ATP10D: variants seen among roughly 807,000 people sequenced by gnomAD.
ATP10D encodes phospholipid-transporting ATPase VD.
In ATP10D, 89 loss-of-function variants were observed where a neutral mutation model predicts 144.8. The ratio of observed to expected loss-of-function variants is 0.61; its 90% CI spans 0.52 to 0.73. ATP10D has a LOEUF of 0.73. ATP10D is among the 30% of genes least tolerant of loss of function. The pLI is 0.00. For missense variants in ATP10D, 1,603 were observed against 1,714.8 expected (o/e 0.93, Z 1.15); for synonymous variants, 571 against 615.1 (o/e 0.93, Z 1.06).
At position 47,591,448 on chromosome 4, in the gene ATP10D, C is replaced by A; in HGVS notation, c.*67C>A. 1.5e-6 allele frequency: 2 copies of A among 1,355,158 alleles called. No homozygotes were observed. Among genetic ancestry groups the A allele is most frequent in the Non-Finnish European group, 2.0e-6 (2 of 993,362 alleles). The allele number at this position is 1,355,158 out of a possible 1,614,324, so 83.9% of individuals were successfully genotyped here. On this transcript the variant is annotated 3_prime_UTR_variant, in exon 23 of 23. Transcript: ENST00000273859. Reference sequence around the variant, plus strand: ...GAGGGATTTTGAAGAGGTATCTCTCCAAGCAAGAATGACTTGTTTTTCCAT... The same window carrying A: ...GAGGGATTTTGAAGAGGTATCTCTCAAAGCAAGAATGACTTGTTTTTCCAT...
chr4:47,535,286 C>T (rs1322436321), intron 5 of ATP10D, among the ~76,000 whole-genome samples: 1 of 150,714 alleles, frequency 6.6e-6, no homozygotes, highest in African/African-American at 2.4e-5. Flanking sequence ...ACATAGTAAA[C>T]CTGCACGTGT....
chr4:47,514,909 T>C (rs1716550433), intron 2 of ATP10D, among the ~76,000 whole-genome samples: 1 of 152,144 alleles, frequency 6.6e-6, no homozygotes, highest in African/African-American at 2.4e-5. Context: ...TCTATTTTTT[T>C]ATTGTGCTCA....
chr4:47,572,379 AT>A (rs10714321), intron 17 of ATP10D, 149 bp downstream of exon 17: 257,212 of 602,542 alleles, frequency 0.43, 59,351 homozygotes, highest in East Asian at 0.74. Context: ...CTATTCATTG[AT>A]TTTTTTTTAC....
intron 1 of ATP10D, among the ~76,000 whole-genome samples, chr4:47,504,047 C>A (rs1715872783): frequency 6.6e-6 from 1 of 152,162 alleles, no homozygotes; most frequent in Non-Finnish European, 1.5e-5. Flanking sequence ...AGTTCAAGGT[C>A]ACTTAACAGA....
chr4:47,561,016 A>T lies in ATP10D; in HGVS notation c.2609A>T (p.Asn870Ile). 2 of 1,614,092 alleles carry T rather than the reference A, an allele frequency of 1.2e-6. No homozygotes were observed. Among genetic ancestry groups the T allele is most frequent in the Non-Finnish European group, 1.7e-6 (2 of 1,179,918 alleles). ...NHFLAETSID[N>I]REELLLESAM... Reference sequence around the variant, plus strand: ...TTTTTAGCTGAAACCAGCATTGACAACAGGGAAGAATTACTACTTGAATCT... The same window carrying T: ...TTTTTAGCTGAAACCAGCATTGACATCAGGGAAGAATTACTACTTGAATCT... Residue 870 changes from asparagine (N) to isoleucine (I), a missense_variant, in exon 14 of 23, where the codon AAC becomes ATC. Asn to Ile is a moderately radical substitution (Grantham distance 149). Coordinates refer to ENST00000273859, the MANE Select transcript of ATP10D (RefSeq NM_020453.4).
At chr4:47,584,711 A>T (rs1307185645) in intron 21 of ATP10D, among the ~76,000 whole-genome samples, 1 of 152,166 alleles carries the variant, frequency 6.6e-6, no homozygotes, top group Admixed American at 6.5e-5. Flanking sequence ...ATGTTTTAAG[A>T]GATAAAAAAT....
intron 5 of ATP10D, among the ~76,000 whole-genome samples, 162 bp from the exon 6 acceptor site, chr4:47,535,346 GC>G (rs1237826956): frequency 6.7e-6 from 1 of 150,038 alleles, no homozygotes; most frequent in Non-Finnish European, 1.5e-5. Context: ...AAAAAACAAA[GC>G]AAGTAACTGC....
intron 9 of ATP10D, among the ~76,000 whole-genome samples, chr4:47,541,881 A>G (rs1225945288): frequency 1.3e-5 from 2 of 152,140 alleles, no homozygotes; most frequent in Non-Finnish European, 2.9e-5. Context: ...ACCTATCTCA[A>G]TATCTACCTT....
intron 5 of ATP10D, among the ~76,000 whole-genome samples, chr4:47,528,733 C>T (rs1467394897): frequency 6.6e-6 from 1 of 152,082 alleles, no homozygotes; most frequent in Admixed American, 6.6e-5. Flanking sequence ...GGTCTTCATA[C>T]TGTTATCCAC....
intron 15 of ATP10D, among the ~76,000 whole-genome samples, chr4:47,567,573 G>A (rs1045696199): frequency 6.6e-5 from 10 of 152,244 alleles, no homozygotes; most frequent in Admixed American, 1.3e-4. Flanking sequence ...CAATGATTGC[G>A]AGGCATGTTA....
At chr4:47,491,306 C>T (rs893097151) in intron 1 of ATP10D, 8 of 847,636 alleles carry the variant, frequency 9.4e-6, no homozygotes, top group African/African-American at 1.7e-5. Flanking sequence ...ACTGGTGGGG[C>T]ATTCCTTTTT....
rs76647500 is a variant in ATP10D, at chr4:47,507,218, G to A, written c.-37-5286G>A. On this transcript the variant is annotated intron_variant, in intron 1 of 22. Coordinates refer to ENST00000273859, the MANE Select transcript of ATP10D (RefSeq NM_020453.4). ...AGAACACTTTGTAAAAAGTCACAAT[G>A]GTAGTTAACCCTTACTTAGGACTTA... is the stretch of plus-strand genomic sequence containing the variant. Among the ~76,000 whole-genome samples, 865 of 152,232 alleles carry A rather than the reference G, an allele frequency of 5.7e-3. 11 individuals carry two copies. Among genetic ancestry groups the A allele is most frequent in the African/African-American group, 0.02 (822 of 41,534 alleles).
chr4:47,569,059 G>A lies in ATP10D; in HGVS notation c.3076G>A (p.Val1026Met). Residue 1026 changes from valine to methionine, a missense_variant, in exon 16 of 23, where the codon GTG (valine) becomes ATG (methionine). Physicochemically the swap from Val to Met is conservative, Grantham distance 21. Coordinates refer to ENST00000273859, the MANE Select transcript of ATP10D (RefSeq NM_020453.4). The stretch of plus-strand genomic sequence containing the variant: ...GGAACTGACATCTTGGTGTCAAGCT[G>A]TGGTCTGCTGCCGAGCCACACCGCT... ...FLELTSWCQAVVCCRATPLQK... is the reference protein window; with the variant it reads ...FLELTSWCQAMVCCRATPLQK... The A allele has an allele frequency of 6.2e-7, 1 of 1,614,208 alleles. No individual in the cohort carries two copies. Among genetic ancestry groups the A allele is most frequent in the Non-Finnish European group, 8.5e-7 (1 of 1,180,042 alleles).
intron 2 of ATP10D, among the ~76,000 whole-genome samples, chr4:47,514,559 T>A (rs999835014): frequency 6.6e-6 from 1 of 152,214 alleles, no homozygotes; most frequent in Non-Finnish European, 1.5e-5. Flanking sequence ...ATTTTGTTTC[T>A]CCTTTAAGGA....
intron 12 of ATP10D, 62 bp downstream of exon 12, chr4:47,558,335 C>T: frequency 6.5e-7 from 1 of 1,547,854 alleles, no homozygotes; most frequent in South Asian, 1.2e-5. Context: ...AAAGACCATA[C>T]TTGATGGCTT....
Position 47,523,236 on chromosome 4 carries a change from T to G in ATP10D, c.690+20T>G. ...GAACAGGTAAGTCATATGTTCTCAG[T>G]TAGTGGCTTATTAACATTTTTTTTC... On this transcript the variant is annotated intron_variant, in intron 4 of 22. Coordinates refer to ENST00000273859, the MANE Select transcript of ATP10D (RefSeq NM_020453.4). 1 of 1,598,194 alleles carries G rather than the reference T, an allele frequency of 6.3e-7. No homozygotes were observed. The highest frequency in any genetic ancestry group is 8.6e-7 in the Non-Finnish European group (1 of 1,166,208).
chr4:47,507,851 G>A (rs568849902), intron 1 of ATP10D, among the ~76,000 whole-genome samples: 3 of 152,114 alleles, frequency 2.0e-5, no homozygotes, highest in Non-Finnish European at 4.4e-5. Context: ...CCCTCATTCC[G>A]TGGTCAAGCT....
chr4:47,487,252 A>G (rs112976134), intron 1 of ATP10D, among the ~76,000 whole-genome samples: 4,292 of 149,708 alleles, frequency 0.029, 82 homozygotes, highest in South Asian at 0.086. Context: ...AAAAAAAAAT[A>G]GAATCTCATT....
At position 47,554,773 on chromosome 4, in the gene ATP10D, G is replaced by A. The variant is rs1383502079; in HGVS notation, c.1683G>A (p.Gln561=). ...CCAGGCTTTTAGACAAATTTAGTCA[G>A]ATTACACCTCGGCTCTTTATGCCAC... ...PDTRLLDKFS[Q]ITPRLFMPLD... is the part of the protein sequence containing the mutation. Residue 561 remains glutamine (Q), a synonymous_variant, in exon 11 of 23, where the codon CAG becomes CAA. Transcript: ENST00000273859. 1.2e-6 allele frequency: 2 copies of A among 1,614,096 alleles called. No individual in the cohort carries two copies. Among genetic ancestry groups the A allele is most frequent in the East Asian group, 4.5e-5 (2 of 44,872 alleles).
Sources: allele counts gnomAD v4.1 joint callset (sites outside exome capture counted in the v4.1 genomes callset), GRCh38; gene constraint gnomAD v4.1.1; transcripts MANE v1.5; gene names NCBI Gene and HGNC (gene_info 2026-07-23, HGNC 2026-07-21).